The following SPNS3 variants were observed in gnomAD, a reference collection of about 807,000 sequenced individuals.
SPNS3 encodes the protein protein spinster homolog 3.
In SPNS3, 51 loss-of-function variants were observed where a neutral mutation model predicts 54.4. That is an observed-to-expected ratio of 0.94 (90% CI 0.75 to 1.18). SPNS3 has a LOEUF of 1.18. Ranked by LOEUF, SPNS3 falls within the 50% of genes most tolerant of loss-of-function variation. The pLI is 0.00. For synonymous variants in SPNS3, 309 were observed against 294.7 expected, an observed-to-expected ratio of 1.05 and a Z score of -0.50; for missense variants, 669 against 677.4, an observed-to-expected ratio of 0.99 and a Z score of 0.14.
At chr17:4,451,128 A>G (rs1346410358) in intron 7 of SPNS3, among the ~76,000 whole-genome samples, 1 of 152,108 alleles carries the variant, frequency 6.6e-6, no homozygotes, top group African/African-American at 2.4e-5. Context: ...GTCAGCCCAG[A>G]CCAGGACTCA....
intron 6 of SPNS3, among the ~76,000 whole-genome samples, 187 bp downstream of exon 6, chr17:4,448,490 T>C (rs1013026773): frequency 6.6e-6 from 1 of 152,060 alleles, no homozygotes; most frequent in Admixed American, 6.6e-5. Context: ...TCAGCCTCCA[T>C]CACCTTGCCA....
intron 2 of SPNS3, among the ~76,000 whole-genome samples, chr17:4,443,552 C>T (rs1403203909): frequency 6.6e-6 from 1 of 152,158 alleles, no homozygotes; most frequent in Non-Finnish European, 1.5e-5. Context: ...TTACATGAAG[C>T]TATGCAGATA....
At position 4,486,554 on chromosome 17, in the gene SPNS3, A is replaced by T; in HGVS notation, c.1421A>T (p.Asp474Val). The T allele has an allele frequency of 6.2e-7, 1 of 1,612,884 alleles. No individual in the cohort carries two copies. Among genetic ancestry groups the T allele is most frequent in the Non-Finnish European group, 8.5e-7 (1 of 1,179,646 alleles). ...CTGACTGCGCTGTACCTGGAGAGAGACGAGACCCGGGCCTGGCAGCCTGTC... is the reference window on the plus strand; with the variant it reads ...CTGACTGCGCTGTACCTGGAGAGAGTCGAGACCCGGGCCTGGCAGCCTGTC... ...FLLTALYLER[D>V]ETRAWQPVTG... is the part of the protein sequence containing the mutation. Residue 474 changes from aspartate to valine, a missense_variant, in exon 11 of 12, where the codon GAC becomes GTC. Transcript: ENST00000355530. This position sits in a 1 kb window ranked among gnomAD's most constrained non-coding sequence, Gnocchi z 5.5.
intron 7 of SPNS3, among the ~76,000 whole-genome samples, chr17:4,451,981 C>T (rs1333073394): frequency 6.6e-6 from 1 of 152,050 alleles, no homozygotes; most frequent in Non-Finnish European, 1.5e-5. Context: ...GCCTGGTCCC[C>T]TTTGAGCTCC....
intron 2 of SPNS3, 100 bp downstream of exon 2, chr17:4,439,823 G>A: frequency 8.9e-7 from 1 of 1,125,226 alleles, no homozygotes; most frequent in South Asian, 1.4e-5. Flanking sequence ...GCCCCACTGG[G>A]TCCCCTGGCA....
chr17:4,458,643 T>TTCTCTTTCTC (rs1555530862), intron 8 of SPNS3, among the ~76,000 whole-genome samples: 2 of 144,674 alleles, frequency 1.4e-5, no homozygotes, highest in African/African-American at 5.3e-5. Flanking sequence ...CTTTCTTTCT[T>TTCTCTTTCTC]TCTTTCCTTC....
At chr17:4,485,631 G>A (rs1030037879) in intron 9 of SPNS3, among the ~76,000 whole-genome samples, 5 of 152,054 alleles carry the variant, frequency 3.3e-5, no homozygotes, top group Non-Finnish European at 7.4e-5. Flanking sequence ...CCTGACCTCG[G>A]GTGATCCACC....
chr17:4,471,203 C>T (rs62064887), intron 8 of SPNS3, among the ~76,000 whole-genome samples: 1 of 152,178 alleles, frequency 6.6e-6, no homozygotes, highest in East Asian at 1.9e-4. Context: ...GGATTACAGG[C>T]GTGAGCCACT....
chr17:4,434,479 G>C (rs1479923130), intron 1 of SPNS3, among the ~76,000 whole-genome samples: 1 of 147,970 alleles, frequency 6.8e-6, no homozygotes, highest in Non-Finnish European at 1.5e-5. Flanking sequence ...GGACAACATA[G>C]TGAGACTCTG....
At chr17:4,467,229 T>A (rs1461605974) in intron 8 of SPNS3, among the ~76,000 whole-genome samples, 1 of 151,660 alleles carries the variant, frequency 6.6e-6, no homozygotes, top group African/African-American at 2.4e-5. Context: ...CCCATGTCAC[T>A]GACATTGGAA....
intron 7 of SPNS3, among the ~76,000 whole-genome samples, chr17:4,452,726 G>A (rs1308013043): frequency 2.6e-5 from 4 of 151,994 alleles, no homozygotes; most frequent in Admixed American, 2.6e-4. Context: ...GGCAGGCTGG[G>A]ACCTGGGGTG....
At chr17:4,458,272 A>G (rs998747293) in intron 8 of SPNS3, among the ~76,000 whole-genome samples, 7 of 151,252 alleles carry the variant, frequency 4.6e-5, no homozygotes, top group Admixed American at 2.6e-4. Flanking sequence ...TTCTTCACAC[A>G]CTGCCAGAGT....
intron 7 of SPNS3, among the ~76,000 whole-genome samples, chr17:4,450,552 C>G (rs1386586512): frequency 6.6e-6 from 1 of 151,070 alleles, no homozygotes; most frequent in East Asian, 1.9e-4. Context: ...TAGCTGGGAC[C>G]ACAGGCACAC....
intron 8 of SPNS3, among the ~76,000 whole-genome samples, chr17:4,472,499 C>G (rs1407521926): frequency 6.6e-6 from 1 of 152,190 alleles, no homozygotes; most frequent in Non-Finnish European, 1.5e-5. Context: ...GGTAAATGCT[C>G]TACAACATGG....
chr17:4,439,702 C>T lies in SPNS3; in HGVS notation c.244C>T (p.His82Tyr), dbSNP rs368766084. The T allele has an allele frequency of 3.2e-5, 52 of 1,613,136 alleles. No homozygotes were observed. Among genetic ancestry groups the T allele is most frequent in the Non-Finnish European group, 4.2e-5 (50 of 1,179,732 alleles). The change falls in exon 2 of 12, where the codon CAT (histidine) becomes TAT (tyrosine). Residue 82 changes from histidine (H) to tyrosine (Y), a missense_variant. Coordinates refer to ENST00000355530, the MANE Select transcript of SPNS3 (RefSeq NM_182538.5). ...IQEVFQISDN[H>Y]AGLLQTVFVS... ...GGAGGTTTTCCAGATCAGTGACAACCATGCTGGTTTGCTTCAGACTGGTAA... is the reference window on the plus strand; with the variant it reads ...GGAGGTTTTCCAGATCAGTGACAACTATGCTGGTTTGCTTCAGACTGGTAA...
Position 4,446,927 on chromosome 17 carries a change from A to G in SPNS3, c.586A>G (p.Thr196Ala). The G allele has an allele frequency of 6.2e-7, 1 of 1,614,034 alleles. No homozygotes were observed. The highest frequency in any genetic ancestry group is 8.5e-7 in the Non-Finnish European group (1 of 1,179,992). The change falls in exon 5 of 12, where the codon ACG (threonine) becomes GCG (alanine). Residue 196 changes from threonine to alanine, a missense_variant. By Grantham distance (58) the Thr-to-Ala change is moderately conservative. Coordinates refer to ENST00000355530, the MANE Select transcript of SPNS3 (RefSeq NM_182538.5). ...GGGCTACGTGCTGGGGTCGGCTGTGACGATGCTGACTGGGAACTGGCGCTG... is the reference window on the plus strand; with the variant it reads ...GGGCTACGTGCTGGGGTCGGCTGTGGCGATGCTGACTGGGAACTGGCGCTG... The part of the protein sequence containing the change: ...GLGYVLGSAV[T>A]MLTGNWRWAL...
Position 4,449,383 on chromosome 17 carries a change from G to C in SPNS3, c.919G>C (p.Asp307His). The C allele has an allele frequency of 6.3e-7, 1 of 1,593,774 alleles. No individual in the cohort carries two copies. The highest frequency in any genetic ancestry group is 8.5e-7 in the Non-Finnish European group (1 of 1,175,536). The change falls in exon 7 of 12, where the codon GAC (aspartate) becomes CAC (histidine). Residue 307 changes from aspartate (D) to histidine (H), a missense_variant. Transcript: ENST00000355530. ...PCFQEPCSNP[D>H]SLIFGALTIM... ...CTTCCAGGAGCCGTGCAGCAACCCC[G>C]ACAGGTGAGGGCATCCGGGGGCCCT...
chr17:4,478,243 A>G (rs1458292205), intron 8 of SPNS3, among the ~76,000 whole-genome samples: 1 of 151,878 alleles, frequency 6.6e-6, no homozygotes, highest in Non-Finnish European at 1.5e-5. Context: ...AAGTGCTGGA[A>G]TTACAGGCTT....
In SPNS3 at chr17:4,478,736, C is replaced by A. The variant is rs1972079992; in HGVS notation, c.1179+99C>A. On this transcript the variant is annotated intron_variant, in intron 9 of 11. Transcript: ENST00000355530. Reference sequence around the variant, plus strand: ...TGGGCACTGGCGGCGACATCAGAGACCATACATTAGGGGACCAAAGCCATT... The same window carrying A: ...TGGGCACTGGCGGCGACATCAGAGAACATACATTAGGGGACCAAAGCCATT... 3 of 1,241,090 alleles carry A rather than the reference C, an allele frequency of 2.4e-6. No individual in the cohort carries two copies. In the African/African-American group the frequency reaches 4.5e-5, roughly 19 times the overall value. The allele number at this position is 1,241,090 out of a possible 1,614,324, so 76.9% of individuals were successfully genotyped here.
Sources: allele counts gnomAD v4.1 joint callset (sites outside exome capture counted in the v4.1 genomes callset), GRCh38; gene constraint gnomAD v4.1.1; non-coding constraint Gnocchi (gnomAD v3.1); transcripts MANE v1.5; gene names NCBI Gene and HGNC (gene_info 2026-07-23, HGNC 2026-07-21).